Variants in KCNAB1 observed in about 807,000 individuals in gnomAD.
KCNAB1 encodes the protein potassium voltage-gated channel subfamily A regulatory beta subunit 1.
Under a neutral mutation model 64.6 loss-of-function variants are expected in KCNAB1, and 35 were observed. The observed-to-expected ratio is 0.54, with a 90% CI of 0.41 to 0.72. The LOEUF (loss-of-function observed/expected upper bound fraction) is 0.72. KCNAB1 is among the 30% of genes least tolerant of loss of function. The probability of loss-of-function intolerance (pLI) is 0.00; values close to 1 mark genes in which losing one functional copy is unlikely to be tolerated. For missense variants in KCNAB1, 401 were observed against 512.9 expected (o/e 0.78, Z 2.11); for synonymous variants, 177 against 183.8 (o/e 0.96, Z 0.30).
At chr3:156,440,870 G>A (rs572098099) in intron 2 of KCNAB1, among the ~76,000 whole-genome samples, 2 of 152,268 alleles carry the variant, frequency 1.3e-5, no homozygotes, top group East Asian at 1.9e-4. Context: ...GGGTAAATTT[G>A]AGTGTAATAT....
At chr3:156,419,296 A>T (rs1304486532) in intron 1 of KCNAB1, among the ~76,000 whole-genome samples, 4 of 152,064 alleles carry the variant, frequency 2.6e-5, no homozygotes, top group African/African-American at 7.2e-5. Flanking sequence ...AGGTCAGGAG[A>T]TCGAGACCAC....
chr3:156,362,072 T>A (rs973115993), intron 1 of KCNAB1, among the ~76,000 whole-genome samples: 1 of 152,248 alleles, frequency 6.6e-6, no homozygotes, highest in African/African-American at 2.4e-5. Flanking sequence ...AATACTGTTC[T>A]CATAGAGCTT....
intron 1 of KCNAB1, among the ~76,000 whole-genome samples, chr3:156,389,863 G>T (rs1183322937): frequency 6.6e-6 from 1 of 152,140 alleles, no homozygotes; most frequent in Non-Finnish European, 1.5e-5. Flanking sequence ...TGTAAATAAA[G>T]CTTTATTGGA....
intron 1 of KCNAB1, among the ~76,000 whole-genome samples, chr3:156,421,256 TAATG>T (rs1020778889): frequency 6.6e-6 from 1 of 152,112 alleles, no homozygotes; most frequent in Non-Finnish European, 1.5e-5. Flanking sequence ...AGTTGACAAA[TAATG>T]AATGAATGGT....
intron 1 of KCNAB1, among the ~76,000 whole-genome samples, chr3:156,170,128 T>C (rs1195253144): frequency 6.6e-5 from 10 of 152,136 alleles, no homozygotes; most frequent in Admixed American, 1.3e-4. Flanking sequence ...CTTCTCCAAA[T>C]TGGGATGAAG....
intron 1 of KCNAB1, among the ~76,000 whole-genome samples, chr3:156,421,415 G>T (rs1323562028): frequency 7.9e-5 from 12 of 152,174 alleles, no homozygotes; most frequent in Admixed American, 2.0e-4. Context: ...TCTGTGCTGC[G>T]CCTGAACAGA....
rs1714263019 is a variant in KCNAB1 at position 156,135,155 on chromosome 3, C to A, written c.275+14269C>A. Among the ~76,000 whole-genome samples, 5 of 152,112 alleles carry A rather than the reference C, an allele frequency of 3.3e-5. No individual in the cohort carries two copies. The South Asian group carries it at 1.0e-3, about 32-fold the overall frequency. ...GGAATTACAGGCTTCTGCCACCACA[C>A]CCAGCCAATTTTTGTATTTTTAGTA... On this transcript the variant is annotated intron_variant, in intron 1 of 13. Transcript: ENST00000490337.
chr3:156,426,729 T>G (rs1336938759), intron 2 of KCNAB1, among the ~76,000 whole-genome samples: 1 of 152,250 alleles, frequency 6.6e-6, no homozygotes, highest in Non-Finnish European at 1.5e-5. Flanking sequence ...TCATATAGTA[T>G]GTAGCCTATT....
At chr3:156,521,957 A>AT (rs10711631) in intron 11 of KCNAB1, among the ~76,000 whole-genome samples, 5 of 143,850 alleles carry the variant, frequency 3.5e-5, no homozygotes, top group Middle Eastern at 3.5e-3. Context: ...TTTCTTTTTA[A>AT]TTTTTTTTTT....
intron 1 of KCNAB1, among the ~76,000 whole-genome samples, chr3:156,282,996 G>A (rs1368711092): frequency 1.2e-4 from 18 of 149,816 alleles, no homozygotes; most frequent in South Asian, 6.4e-4. Context: ...GTGTGAATTT[G>A]ATCCTGTCAT....
intron 1 of KCNAB1, chr3:156,176,702 T>A: frequency 1.0e-6 from 1 of 999,892 alleles, no homozygotes; most frequent in Non-Finnish European, 1.6e-6. Flanking sequence ...TGCAGCAGTA[T>A]ACTTCCCCTT....
intron 1 of KCNAB1, among the ~76,000 whole-genome samples, chr3:156,390,744 G>A (rs1159998315): frequency 2.0e-5 from 3 of 149,998 alleles, no homozygotes; most frequent in Non-Finnish European, 4.4e-5. Context: ...TACCATGCCC[G>A]GCTAATTTTT....
In KCNAB1 at chr3:156,465,828, G is replaced by A. The variant is rs185277109; in HGVS notation, c.571+142G>A. ...ACAATCAACCAAGTTTCTTCTTGGGGTTAAATATAGGGAATGCAGAGATGT... is the reference window on the plus strand; with the variant it reads ...ACAATCAACCAAGTTTCTTCTTGGGATTAAATATAGGGAATGCAGAGATGT... On this transcript the variant is annotated intron_variant, in intron 7 of 13. Transcript: ENST00000490337. The A allele has an allele frequency of 5.2e-4, 366 of 700,974 alleles. 2 individuals are homozygous for A. The African/African-American group carries it at 5.9e-3, about 11-fold the overall frequency. 43.4% of individuals were successfully genotyped at this position (700,974 alleles called of 1,614,324 possible).
intron 1 of KCNAB1, among the ~76,000 whole-genome samples, chr3:156,384,945 C>T (rs3772255): frequency 0.3 from 45,006 of 152,026 alleles, 9,218 homozygotes; most frequent in African/African-American, 0.59. Flanking sequence ...TACTTCAGTA[C>T]CTTTCCAACA....
chr3:156,271,934 A>T (rs1719062422), intron 1 of KCNAB1, among the ~76,000 whole-genome samples: 1 of 152,246 alleles, frequency 6.6e-6, no homozygotes, highest in Admixed American at 6.5e-5. Context: ...CAGGCCAAGT[A>T]ACACTGTAGT....
intron 6 of KCNAB1, 46 bp from the exon 7 acceptor site, chr3:156,465,597 G>T: frequency 6.4e-7 from 1 of 1,557,414 alleles, no homozygotes; most frequent in Non-Finnish European, 8.9e-7. Flanking sequence ...GAGAAGAAAA[G>T]AAAGCACACT....
intron 1 of KCNAB1, among the ~76,000 whole-genome samples, chr3:156,126,401 T>C (rs1418563028): frequency 6.6e-6 from 1 of 152,080 alleles, no homozygotes; most frequent in Non-Finnish European, 1.5e-5. Flanking sequence ...GGGAAATTTG[T>C]AGGAGAAAGC....
At chr3:156,497,456 A>C (rs1172234087) in intron 8 of KCNAB1, among the ~76,000 whole-genome samples, 1 of 152,246 alleles carries the variant, frequency 6.6e-6, no homozygotes, top group Non-Finnish European at 1.5e-5. Flanking sequence ...TTCATCTACA[A>C]GACAGAATTC....
chr3:156,240,912 C>G (rs1210597787), intron 1 of KCNAB1, among the ~76,000 whole-genome samples: 1 of 151,452 alleles, frequency 6.6e-6, no homozygotes, highest in East Asian at 2.0e-4. Flanking sequence ...GAAGTAACCA[C>G]TATGGGTAAT....
Sources: gnomAD v4.1 joint callset for allele counts (sites outside exome capture counted in the v4.1 genomes callset) on GRCh38, gnomAD v4.1.1 for gene constraint, MANE v1.5 for transcripts, NCBI Gene and HGNC (gene_info 2026-07-23, HGNC 2026-07-21) for gene names.